Variants in CSNK1G3 observed in about 807,000 individuals in gnomAD.
The protein encoded by CSNK1G3 is casein kinase 1 gamma 3.
CSNK1G3 carries 23 observed loss-of-function variants against 64.3 expected under a neutral mutation model. The ratio of observed to expected loss-of-function variants is 0.36; its 90% CI spans 0.26 to 0.51. The LOEUF is 0.51. Among genes scored for constraint, CSNK1G3 ranks in the 20% least tolerant of loss-of-function variants. The pLI, the probability that CSNK1G3 is intolerant of heterozygous loss-of-function variation, is 0.96. For missense variants in CSNK1G3, 357 were observed against 510.5 expected (o/e 0.70, Z 2.90); for synonymous variants, 158 against 162.2 (o/e 0.97, Z 0.20).
chr5:123,566,815 A>G (rs893053732), intron 4 of CSNK1G3, among the ~76,000 whole-genome samples: 3 of 152,068 alleles, frequency 2.0e-5, no homozygotes, highest in Non-Finnish European at 2.9e-5. Flanking sequence ...AAAATAGCAT[A>G]TGTTCGTAAT....
At chr5:123,513,690 A>T (rs1181620412) in intron 1 of CSNK1G3, among the ~76,000 whole-genome samples, 3 of 152,326 alleles carry the variant, frequency 2.0e-5, no homozygotes, top group Non-Finnish European at 2.9e-5. Flanking sequence ...CTAAGATGGG[A>T]TATAAAATGA....
chr5:123,603,495 G>T (rs1371214792), intron 10 of CSNK1G3, among the ~76,000 whole-genome samples: 2 of 152,074 alleles, frequency 1.3e-5, no homozygotes, highest in Non-Finnish European at 2.9e-5. Flanking sequence ...TTATCCTGGA[G>T]CTTAATTTTA....
chr5:123,526,237 T>C (rs1490405387), intron 1 of CSNK1G3, among the ~76,000 whole-genome samples: 1 of 151,914 alleles, frequency 6.6e-6, no homozygotes, highest in African/African-American at 2.4e-5. Context: ...TATTATTTTT[T>C]TGTAGACACA....
At chr5:123,539,976 C>G (rs1368642517) in intron 1 of CSNK1G3, among the ~76,000 whole-genome samples, 1 of 150,598 alleles carries the variant, frequency 6.6e-6, no homozygotes, top group Non-Finnish European at 1.5e-5. Flanking sequence ...TTTTGATATC[C>G]CTTCTTTCAT....
intron 1 of CSNK1G3, among the ~76,000 whole-genome samples, chr5:123,513,208 ATGGTGCCGGT>A (rs1390488814): frequency 6.6e-6 from 1 of 152,166 alleles, no homozygotes; most frequent in Non-Finnish European, 1.5e-5. Flanking sequence ...GGTTACTCTC[ATGGTGCCGGT>A]TTGTTTGTTT....
At chr5:123,598,295 A>T (rs190259569) in intron 10 of CSNK1G3, among the ~76,000 whole-genome samples, 31 of 152,272 alleles carry the variant, frequency 2.0e-4, no homozygotes, top group African/African-American at 7.2e-4. Context: ...TTACTCAGCA[A>T]ATTGCTAAGT....
At chr5:123,542,695 T>G (rs972929719) in intron 1 of CSNK1G3, among the ~76,000 whole-genome samples, 2 of 152,176 alleles carry the variant, frequency 1.3e-5, no homozygotes, top group Non-Finnish European at 2.9e-5. Flanking sequence ...ATTCCCCCTT[T>G]CATTGCTTTG....
chr5:123,567,865 A>T (rs1787241436), intron 4 of CSNK1G3, among the ~76,000 whole-genome samples: 1 of 152,214 alleles, frequency 6.6e-6, no homozygotes, highest in Non-Finnish European at 1.5e-5. Context: ...ATTACGGTCA[A>T]CACATTTTTG....
chr5:123,569,404 T>C (rs1297077286), intron 4 of CSNK1G3, among the ~76,000 whole-genome samples: 1 of 152,172 alleles, frequency 6.6e-6, no homozygotes, highest in Non-Finnish European at 1.5e-5. Context: ...AGTATAGAAA[T>C]CATACCAAAA....
chr5:123,589,856 G>A (rs1379000174), intron 8 of CSNK1G3, among the ~76,000 whole-genome samples: 2 of 152,032 alleles, frequency 1.3e-5, no homozygotes, highest in Non-Finnish European at 2.9e-5. Context: ...CTTGTGTTAT[G>A]TTTTTGAGAT....
chr5:123,571,803 T>G (rs1788165439), intron 4 of CSNK1G3, among the ~76,000 whole-genome samples: 1 of 152,202 alleles, frequency 6.6e-6, no homozygotes, highest in East Asian at 1.9e-4. Context: ...CTGAGACATT[T>G]GTGGTGGAAG....
At chr5:123,616,532 T>C (rs1021174195) in exon 13 of CSNK1G3, 1 of 152,628 alleles carries the variant, frequency 6.6e-6, no homozygotes, top group African/African-American at 2.4e-5. Context: ...TTTTTAGCAA[T>C]ATTTTTAAGT....
intron 2 of CSNK1G3, among the ~76,000 whole-genome samples, chr5:123,552,602 G>C (rs1783904734): frequency 6.6e-6 from 1 of 152,098 alleles, no homozygotes; most frequent in African/African-American, 2.4e-5. Context: ...GTTTATCACA[G>C]CCAATTATTG....
At chr5:123,528,284 A>G (rs142686995) in intron 1 of CSNK1G3, among the ~76,000 whole-genome samples, 8 of 152,208 alleles carry the variant, frequency 5.3e-5, no homozygotes, top group African/African-American at 1.9e-4. Context: ...TATCTCTTAG[A>G]GCTATAAATT....
rs543820011 is a variant in CSNK1G3 at position 123,563,342 on chromosome 5, G to C, written c.289+5778G>C. ...AAGCAATAATTTGATGGTAGCCACA[G>C]GTGCTGTTACTGAAATTATAACTCT... On this transcript the variant is annotated intron_variant, in intron 4 of 12. Transcript: ENST00000345990. Among the ~76,000 whole-genome samples the C allele has an allele frequency of 3.3e-5, 5 of 152,052 alleles. No homozygotes were observed. In the South Asian group the frequency reaches 1.0e-3, roughly 32 times the overall value.
intron 1 of CSNK1G3, among the ~76,000 whole-genome samples, chr5:123,527,341 C>T (rs114894687): frequency 0.012 from 1,792 of 152,236 alleles, 41 homozygotes; most frequent in African/African-American, 0.04. Flanking sequence ...TTCTCAGTCT[C>T]TATCTTAAGG....
At chr5:123,592,410 A>C (rs576685304) in intron 10 of CSNK1G3, among the ~76,000 whole-genome samples, 1 of 152,112 alleles carries the variant, frequency 6.6e-6, no homozygotes, top group African/African-American at 2.4e-5. Flanking sequence ...AGGTAAAGGA[A>C]TAGAAAGCTG....
At chr5:123,516,330 G>T (rs1777157917) in intron 1 of CSNK1G3, among the ~76,000 whole-genome samples, 1 of 152,168 alleles carries the variant, frequency 6.6e-6, no homozygotes, top group Non-Finnish European at 1.5e-5. Context: ...AATGTGAAAT[G>T]ATTTTCAAGG....
At position 123,588,867 on chromosome 5, in the gene CSNK1G3, G is replaced by T. The variant is rs1215776455; in HGVS notation, c.844+356G>T. Among the ~76,000 whole-genome samples the T allele has an allele frequency of 2.0e-5, 3 of 152,180 alleles. No individual in the cohort carries two copies. In the East Asian group the frequency reaches 5.8e-4, roughly 29 times the overall value. On this transcript the variant is annotated intron_variant, in intron 8 of 12. Transcript: ENST00000345990. ...GGGTCTCAATGTCAAGTTCAAAGGAGGTATGTGAAGTATGATTTGGTTTAG... is the reference window on the plus strand; with the variant it reads ...GGGTCTCAATGTCAAGTTCAAAGGATGTATGTGAAGTATGATTTGGTTTAG...
Sources: gnomAD v4.1 joint callset for allele counts (sites outside exome capture counted in the v4.1 genomes callset) on GRCh38, gnomAD v4.1.1 for gene constraint, MANE v1.5 for transcripts, NCBI Gene and HGNC (gene_info 2026-07-23, HGNC 2026-07-21) for gene names.